Variants in SCHIP1 observed in about 807,000 individuals in gnomAD.
SCHIP1 encodes schwannomin-interacting protein 1.
In SCHIP1, 8 loss-of-function variants were observed where a neutral mutation model predicts 29.7. That is an observed-to-expected ratio of 0.27 (90% confidence interval 0.16 to 0.49). SCHIP1 has a LOEUF of 0.49. SCHIP1 is among the 20% of genes least tolerant of loss of function. The pLI, the probability that SCHIP1 is intolerant of heterozygous loss-of-function variation, is 0.99. For synonymous variants in SCHIP1, 76 were observed against 94.9 expected (o/e 0.80, Z 1.16); for missense variants, 193 against 294.6 (o/e 0.66, Z 2.52).
At chr3:159,394,709 GGT>G in the SCHIP1 span, among the ~76,000 whole-genome samples, 13 of 152,018 alleles carry the variant, frequency 8.6e-5, no homozygotes, top group Non-Finnish European at 1.6e-4. Context: ...CTGCTGGATT[GGT>G]TTTGCCAGTA....
At chr3:159,577,653 C>A in the SCHIP1 span, among the ~76,000 whole-genome samples, 1 of 152,178 alleles carries the variant, frequency 6.6e-6, no homozygotes, top group Admixed American at 6.5e-5. Flanking sequence ...TCATGCATGA[C>A]TGCAGGTCTA....
At chr3:159,828,217 C>G in the SCHIP1 span, among the ~76,000 whole-genome samples, 4 of 151,238 alleles carry the variant, frequency 2.6e-5, no homozygotes, top group Admixed American at 6.6e-5. Context: ...AGCTATGAAG[C>G]AGTAGCCCAA....
the SCHIP1 span, among the ~76,000 whole-genome samples, chr3:159,362,951 C>G: frequency 2.0e-5 from 3 of 152,212 alleles, no homozygotes; most frequent in Non-Finnish European, 2.9e-5. Flanking sequence ...TAACTGGGCC[C>G]TTATGAAGAA....
chr3:159,432,329 TGTGTGTGTGTGAGA>T, the SCHIP1 span, among the ~76,000 whole-genome samples: 6,095 of 99,216 alleles, frequency 0.061, 148 homozygotes, highest in Non-Finnish European at 0.092. Context: ...TGTGTGTGTG[TGTGTGTGTGTGAGA>T]GAGAGAGAGA....
chr3:159,699,856 T>A, the SCHIP1 span, among the ~76,000 whole-genome samples: 1 of 152,136 alleles, frequency 6.6e-6, no homozygotes, highest in Non-Finnish European at 1.5e-5. Context: ...CTTCTCCCAG[T>A]GACTCATGAA....
chr3:159,372,243 A>G, the SCHIP1 span, among the ~76,000 whole-genome samples: 3 of 152,158 alleles, frequency 2.0e-5, no homozygotes, highest in African/African-American at 4.8e-5. Context: ...AAGCCATGCT[A>G]TATTTCTCAA....
the SCHIP1 span, among the ~76,000 whole-genome samples, chr3:159,687,869 T>G: frequency 1.3e-5 from 2 of 152,240 alleles, no homozygotes; most frequent in African/African-American, 2.4e-5. Context: ...TCTGTTTCTG[T>G]GTTAGTTTGC....
chr3:159,603,104 T>C, the SCHIP1 span, among the ~76,000 whole-genome samples: 4 of 152,234 alleles, frequency 2.6e-5, no homozygotes, highest in Non-Finnish European at 5.9e-5. Flanking sequence ...GTTTATTTGC[T>C]GGAGTAGCTC....
the SCHIP1 span, among the ~76,000 whole-genome samples, chr3:159,355,307 A>C: frequency 1.9e-3 from 284 of 152,164 alleles, 2 homozygotes; most frequent in Non-Finnish European, 5.0e-4. Context: ...CTAACAATGT[A>C]CTCCCTGAAA....
the SCHIP1 span, among the ~76,000 whole-genome samples, chr3:159,545,704 C>A: frequency 1.4e-5 from 2 of 146,408 alleles, no homozygotes; most frequent in African/African-American, 2.5e-5. Flanking sequence ...AATTGTACAT[C>A]TTTTGTACAA....
At chr3:159,276,492 C>T in the SCHIP1 span, among the ~76,000 whole-genome samples, 1 of 152,134 alleles carries the variant, frequency 6.6e-6, no homozygotes, top group African/African-American at 2.4e-5. Flanking sequence ...CATCATAAAA[C>T]TTTCTATCAA....
At chr3:159,275,056 T>G in the SCHIP1 span, 1 of 975,390 alleles carries the variant, frequency 1.0e-6, no homozygotes, top group Non-Finnish European at 1.2e-6. Flanking sequence ...TACTTACATT[T>G]TGACAGTGTA....
At chr3:159,564,873 G>T in the SCHIP1 span, among the ~76,000 whole-genome samples, 1 of 152,070 alleles carries the variant, frequency 6.6e-6, no homozygotes. Context: ...ATGGACATTT[G>T]GTTTATTTCC....
chr3:159,296,953 T>C, the SCHIP1 span, among the ~76,000 whole-genome samples: 3 of 152,324 alleles, frequency 2.0e-5, no homozygotes, highest in East Asian at 5.8e-4. Flanking sequence ...CTGGCAACTA[T>C]CGTTCTACTG....
chr3:159,711,602 A>G, the SCHIP1 span, among the ~76,000 whole-genome samples: 2 of 152,234 alleles, frequency 1.3e-5, no homozygotes, highest in South Asian at 2.1e-4. Context: ...GGTAGGGACT[A>G]TGTAACCTAG....
At chr3:159,384,623 T>A in the SCHIP1 span, among the ~76,000 whole-genome samples, 1 of 151,996 alleles carries the variant, frequency 6.6e-6, no homozygotes, top group Non-Finnish European at 1.5e-5. Flanking sequence ...GCTGCCCTCA[T>A]AAAATGAGTT....
At chr3:159,417,678 A>G in the SCHIP1 span, among the ~76,000 whole-genome samples, 1 of 152,200 alleles carries the variant, frequency 6.6e-6, no homozygotes, top group Non-Finnish European at 1.5e-5. Context: ...TCCTTCCTGT[A>G]ACTTTGCAGT....
rs558933707 is a variant in SCHIP1 at position 159,867,106 on chromosome 3, C to T, written c.149+825C>T. Among the ~76,000 whole-genome samples, 25 of 152,222 alleles carry T rather than the reference C, an allele frequency of 1.6e-4. 1 individual carries two copies. The highest frequency in any genetic ancestry group is 1.0e-3 in the South Asian group (5 of 4,826). ...TCTGAAAAATTAGGCATTACAAATACGGGTATTCCAAGTGATGAAAGCATG... is the reference window on the plus strand; with the variant it reads ...TCTGAAAAATTAGGCATTACAAATATGGGTATTCCAAGTGATGAAAGCATG... On this transcript the variant is annotated intron_variant, in intron 2 of 6. Transcript: ENST00000445224.
At chr3:159,880,622 G>A (rs1329935971) in intron 2 of SCHIP1, among the ~76,000 whole-genome samples, 1 of 152,160 alleles carries the variant, frequency 6.6e-6, no homozygotes, top group East Asian at 1.9e-4. Context: ...AGAGAATACT[G>A]GGGACTGCAG....
Sources: gnomAD v4.1 joint callset for allele counts (sites outside exome capture counted in the v4.1 genomes callset) on GRCh38, gnomAD v4.1.1 for gene constraint, MANE v1.5 for transcripts, NCBI Gene and HGNC (gene_info 2026-07-23, HGNC 2026-07-21) for gene names.